The following CERT1 variants were observed in gnomAD, a reference collection of about 807,000 sequenced individuals.
The protein encoded by CERT1 is ceramide transfer protein.
Under a neutral mutation model 87.9 loss-of-function variants are expected in CERT1, and 31 were observed. That is an observed-to-expected ratio of 0.35 (90% CI 0.27 to 0.48). The LOEUF (loss-of-function observed/expected upper bound fraction) is 0.48. Ranked by LOEUF, CERT1 falls within the 20% of genes least tolerant of loss-of-function variation. CERT1 has a pLI of 0.99. For missense variants in CERT1, 487 were observed against 758.0 expected (o/e 0.64, Z 4.20); for synonymous variants, 289 against 250.9 (o/e 1.15, Z -1.44).
Position 75,476,696 on chromosome 5 carries a change from T to C in CERT1, c.232-17515A>G, listed in dbSNP as rs186374129. 4.6e-5 allele frequency among the ~76,000 whole-genome samples: 7 copies of C among 152,326 alleles called. No homozygotes were observed. The South Asian group carries it at 6.2e-4, about 14-fold the overall frequency. On this transcript the variant is annotated intron_variant, in intron 2 of 16. Transcript: ENST00000643780. ...GTTAGGTAATCAAAATGATAACTTG[T>C]TGGATATATCAAAACCATCAGAACT...
At chr5:75,465,001 T>C (rs1344797429) in intron 2 of CERT1, among the ~76,000 whole-genome samples, 2 of 152,228 alleles carry the variant, frequency 1.3e-5, no homozygotes, top group Admixed American at 1.3e-4. Flanking sequence ...TTTTCTTTAA[T>C]GGAGTTTTAG....
chr5:75,489,791 T>C (rs1396511113), intron 2 of CERT1, among the ~76,000 whole-genome samples: 1 of 151,968 alleles, frequency 6.6e-6, no homozygotes, highest in African/African-American at 2.4e-5. Flanking sequence ...TTGGTGGGAG[T>C]GTAAATTAGT....
intron 16 of CERT1, among the ~76,000 whole-genome samples, chr5:75,380,074 G>A (rs565429645): frequency 1.0e-3 from 152 of 152,270 alleles, no homozygotes; most frequent in African/African-American, 3.4e-3. Context: ...GTACTATAAT[G>A]AAATAGTAAC....
chr5:75,393,267 A>T (rs1762100772), intron 11 of CERT1, among the ~76,000 whole-genome samples: 2 of 151,990 alleles, frequency 1.3e-5, no homozygotes, highest in Admixed American at 6.6e-5. Flanking sequence ...GAAAATGATT[A>T]GGTGACATTC....
At chr5:75,464,517 C>T (rs549325269) in intron 2 of CERT1, among the ~76,000 whole-genome samples, 136 of 152,250 alleles carry the variant, frequency 8.9e-4, no homozygotes, top group Middle Eastern at 3.4e-3. Context: ...TTCTTGGCAC[C>T]CAGAAGGCTA....
In CERT1 at chr5:75,411,186, T is replaced by A. The variant is rs1438366960; in HGVS notation, c.838-83A>T. ...GTCTTTTAGGTGGAATTCCTCTACA[T>A]TTCACTGAAATTTTACAATTTGACA... is the stretch of plus-strand genomic sequence containing the variant. On this transcript the variant is annotated intron_variant, in intron 7 of 16. Coordinates refer to ENST00000643780, the MANE Select transcript of CERT1 (RefSeq NM_001379029.1). The A allele has an allele frequency of 8.5e-5, 62 of 727,176 alleles. 1 individual carries two copies. The South Asian group carries it at 9.3e-4, about 11-fold the overall frequency. The allele number at this position is 727,176 out of a possible 1,614,324, so 45.0% of individuals were successfully genotyped here.
intron 2 of CERT1, among the ~76,000 whole-genome samples, chr5:75,465,978 C>T (rs776336330): frequency 2.6e-5 from 4 of 152,152 alleles, no homozygotes; most frequent in Non-Finnish European, 5.9e-5. Context: ...AGTATCTGGT[C>T]TTTACAGATC....
At chr5:75,455,203 T>C (rs1764930352) in intron 3 of CERT1, among the ~76,000 whole-genome samples, 1 of 152,226 alleles carries the variant, frequency 6.6e-6, no homozygotes, top group Admixed American at 6.5e-5. Context: ...ACAACCAATG[T>C]TTCAAAAGTT....
chr5:75,498,118 A>G (rs1290080318), intron 2 of CERT1, among the ~76,000 whole-genome samples: 3 of 152,198 alleles, frequency 2.0e-5, no homozygotes, highest in Admixed American at 1.3e-4. Context: ...CTAGAGATCT[A>G]TGGAACTTTG....
At chr5:75,506,244 C>T (rs1580870640) in intron 1 of CERT1, 128 bp from the exon 2 acceptor site, 1 of 724,352 alleles carries the variant, frequency 1.4e-6, no homozygotes, top group African/African-American at 1.8e-5. Flanking sequence ...TAATTCTAAG[C>T]ATAAACAGTA....
intron 2 of CERT1, among the ~76,000 whole-genome samples, chr5:75,485,323 A>AAAAAAAAAAAAAAAAAAC: frequency 6.8e-6 from 1 of 147,838 alleles, no homozygotes; most frequent in Non-Finnish European, 1.5e-5. Flanking sequence ...AAAAAAAAAA[A>AAAAAAAAAAAAAAAAAAC]AAAAAAAAAA....
intron 2 of CERT1, among the ~76,000 whole-genome samples, chr5:75,488,546 T>C (rs1453206328): frequency 6.6e-6 from 1 of 152,164 alleles, no homozygotes; most frequent in Non-Finnish European, 1.5e-5. Context: ...TTTTAATTTT[T>C]ATCAAAGTTG....
intron 2 of CERT1, among the ~76,000 whole-genome samples, chr5:75,492,687 T>C (rs966731414): frequency 5.3e-5 from 8 of 152,132 alleles, no homozygotes; most frequent in Admixed American, 3.9e-4. Flanking sequence ...ATTGTTGAGA[T>C]TGTTAGAACA....
At chr5:75,398,352 T>C (rs1484094822) in intron 11 of CERT1, among the ~76,000 whole-genome samples, 1 of 152,084 alleles carries the variant, frequency 6.6e-6, no homozygotes, top group African/African-American at 2.4e-5. Flanking sequence ...AAAGAAATTA[T>C]GTTATAATAG....
At chr5:75,428,760 G>A (rs1241443458) in intron 3 of CERT1, among the ~76,000 whole-genome samples, 1 of 151,466 alleles carries the variant, frequency 6.6e-6, no homozygotes, top group Non-Finnish European at 1.5e-5. Context: ...ACCTAGATTG[G>A]GTTTTAAAAC....
chr5:75,433,095 G>A (rs1488022848), intron 3 of CERT1, among the ~76,000 whole-genome samples: 1 of 152,186 alleles, frequency 6.6e-6, no homozygotes, highest in Non-Finnish European at 1.5e-5. Context: ...TTTTGTTACT[G>A]TAGCATTGTA....
chr5:75,431,470 G>C (rs2112208915), intron 3 of CERT1, among the ~76,000 whole-genome samples: 1 of 152,298 alleles, frequency 6.6e-6, no homozygotes, highest in East Asian at 1.9e-4. Context: ...GATGAACAAT[G>C]CTTCTGTGGC....
At chr5:75,490,493 A>AT (rs1399927302) in intron 2 of CERT1, among the ~76,000 whole-genome samples, 51 of 149,172 alleles carry the variant, frequency 3.4e-4, no homozygotes, top group Middle Eastern at 3.5e-3. Context: ...CCTGTACGAA[A>AT]TTTTTATTTA....
chr5:75,369,527 T>TA (rs908733972), intron 17 of CERT1: 1 of 152,134 alleles, frequency 6.6e-6, no homozygotes, highest in Admixed American at 6.5e-5. Flanking sequence ...AAAAAAAACT[T>TA]AAGAGTCAGG....
Sources: gnomAD v4.1 joint callset for allele counts (sites outside exome capture counted in the v4.1 genomes callset) on GRCh38, gnomAD v4.1.1 for gene constraint, MANE v1.5 for transcripts, NCBI Gene and HGNC (gene_info 2026-07-23, HGNC 2026-07-21) for gene names.